The following TCAF1 variants were observed in gnomAD, a reference collection of about 807,000 sequenced individuals.
The protein encoded by TCAF1 is TRPM8 channel associated factor 1.
Under a neutral mutation model 27.3 loss-of-function variants are expected in TCAF1, and 4 were observed. The observed-to-expected ratio is 0.15, with a 90% CI of 0.07 to 0.34. The LOEUF (loss-of-function observed/expected upper bound fraction) is 0.34. TCAF1 is among the 10% of genes least tolerant of loss of function. TCAF1 has a pLI of 1.00. For synonymous variants in TCAF1, 105 were observed against 167.1 expected (o/e 0.63, Z 2.87); for missense variants, 257 against 425.8 (o/e 0.60, Z 3.49).
chr7:143,869,802 AC>A (rs1243040265), intron 2 of TCAF1, among the ~76,000 whole-genome samples: 1 of 100,804 alleles, frequency 9.9e-6, no homozygotes, highest in Non-Finnish European at 2.0e-5. Context: ...AACACTACTA[AC>A]TAAACTCCAG....
chr7:143,878,602 G>A (rs1445358076), intron 1 of TCAF1, among the ~76,000 whole-genome samples: 2 of 152,134 alleles, frequency 1.3e-5, no homozygotes, highest in Admixed American at 6.5e-5. Context: ...TAAGCTCAAC[G>A]TTTCTAGTAG....
intron 1 of TCAF1, chr7:143,885,412 T>C (rs1813350164): frequency 2.0e-6 from 2 of 985,342 alleles, no homozygotes; most frequent in African/African-American, 1.7e-5. Flanking sequence ...CTGCCGCGGG[T>C]GGAGGCGGAG....
intron 1 of TCAF1, among the ~76,000 whole-genome samples, chr7:143,897,246 T>C (rs1365792854): frequency 6.7e-6 from 1 of 149,164 alleles, no homozygotes; most frequent in Non-Finnish European, 1.5e-5. Flanking sequence ...TTCTTCTGTC[T>C]CTGCCACCCC....
At chr7:143,896,107 AAAAAATCC>A (rs1331597659) in intron 1 of TCAF1, among the ~76,000 whole-genome samples, 1 of 151,874 alleles carries the variant, frequency 6.6e-6, no homozygotes, top group Non-Finnish European at 1.5e-5. Context: ...CCAGACTTTT[AAAAAATCC>A]AAATAAGTTT....
intron 1 of TCAF1, among the ~76,000 whole-genome samples, chr7:143,877,259 C>T (rs1812768789): frequency 6.6e-6 from 1 of 152,160 alleles, no homozygotes; most frequent in South Asian, 2.1e-4. Flanking sequence ...TTTTAAGCCA[C>T]CCCATTTGTG....
At chr7:143,881,216 T>C (rs1463427471) in intron 1 of TCAF1, among the ~76,000 whole-genome samples, 2 of 152,228 alleles carry the variant, frequency 1.3e-5, no homozygotes, top group African/African-American at 4.8e-5. Flanking sequence ...CTAGAGTAAG[T>C]GTCTGAGGCC....
chr7:143,884,434 C>T (rs998251953), intron 1 of TCAF1, among the ~76,000 whole-genome samples: 1 of 152,134 alleles, frequency 6.6e-6, no homozygotes, highest in Non-Finnish European at 1.5e-5. Flanking sequence ...ACCTGAGAGA[C>T]AGTGAGCACA....
chr7:143,895,922 A>G (rs1277138744), intron 1 of TCAF1, among the ~76,000 whole-genome samples: 1 of 131,448 alleles, frequency 7.6e-6, no homozygotes, highest in Non-Finnish European at 1.6e-5. Context: ...AAAGAAAGAA[A>G]GAAGGAAAAA....
intron 1 of TCAF1, chr7:143,882,190 GT>G: frequency 1.2e-5 from 1 of 86,698 alleles, no homozygotes; most frequent in Non-Finnish European, 1.9e-5. Flanking sequence ...CTCCATGCGC[GT>G]AAACACACAC....
At chr7:143,877,272 C>T (rs1420125380) in intron 1 of TCAF1, among the ~76,000 whole-genome samples, 1 of 152,160 alleles carries the variant, frequency 6.6e-6, no homozygotes, top group Admixed American at 6.5e-5. Context: ...CATTTGTGGT[C>T]ATTTGCTACA....
intron 1 of TCAF1, chr7:143,885,663 TCTAC>T: frequency 2.9e-5 from 16 of 556,674 alleles, no homozygotes; most frequent in Non-Finnish European, 3.7e-5. Flanking sequence ...CTTATATAAA[TCTAC>T]TTATATATTG....
chr7:143,888,676 T>C (rs766050546), intron 1 of TCAF1, among the ~76,000 whole-genome samples: 13 of 152,236 alleles, frequency 8.5e-5, no homozygotes, highest in Non-Finnish European at 1.8e-4. Flanking sequence ...ATGTATTCAA[T>C]TGGAAGATGC....
intron 2 of TCAF1, among the ~76,000 whole-genome samples, 170 bp downstream of exon 2, chr7:143,875,818 AC>A (rs2116771360): frequency 6.6e-6 from 1 of 152,232 alleles, no homozygotes; most frequent in African/African-American, 2.4e-5. Context: ...GGCAGTGAGG[AC>A]CTTGCCCCTC....
chr7:143,876,079 C>A lies in TCAF1; in HGVS notation c.530G>T (p.Ser177Ile). 6.2e-7 allele frequency: 1 copy of A among 1,612,718 alleles called. No individual in the cohort carries two copies. Among genetic ancestry groups the A allele is most frequent in the Non-Finnish European group, 8.5e-7 (1 of 1,179,084 alleles). The change falls in exon 2 of 9, where the codon AGT becomes ATT. Residue 177 changes from serine to isoleucine, a missense_variant. Around this residue, in one of 2 missense-constraint regions of TCAF1, gnomAD observed 255 missense variants for 260.1 expected, o/e 0.98. Coordinates refer to ENST00000479870, the MANE Select transcript of TCAF1 (RefSeq NM_014719.3). ...LFTFPGNLVT[S>I]VAGIYFTDNK... ...GTCAGTAAAGTAAATGCCAGCCACA[C>A]TGGTCACGAGGTTCCCAGGGAACGT...
At chr7:143,896,697 T>G (rs1813883099) in intron 1 of TCAF1, among the ~76,000 whole-genome samples, 1 of 151,994 alleles carries the variant, frequency 6.6e-6, no homozygotes, top group Admixed American at 6.6e-5. Context: ...TTATAAAAAA[T>G]TCATGTCTCA....
At chr7:143,898,990 A>G (rs945005772) in intron 1 of TCAF1, among the ~76,000 whole-genome samples, 7 of 152,176 alleles carry the variant, frequency 4.6e-5, no homozygotes, top group Admixed American at 4.6e-4. Context: ...ACACAGTAAG[A>G]AGGCTCTTTC....
At chr7:143,888,420 G>A (rs1813512115) in intron 1 of TCAF1, among the ~76,000 whole-genome samples, 1 of 152,108 alleles carries the variant, frequency 6.6e-6, no homozygotes, top group Non-Finnish European at 1.5e-5. Context: ...TGACATCCCA[G>A]CACAAAGCTC....
rs778944649 is a variant in TCAF1, at chr7:143,876,139, C to A, written c.470G>T (p.Trp157Leu). ...CCTTTCATCCTCCCCCTGGTTGGCC[C>A]AATCCCAGGCTTGTCCTCCTATGAG... Reference protein sequence around the residue: ...GLLIGGQAWDWANQGEDERVL... With the variant: ...GLLIGGQAWDLANQGEDERVL... Residue 157 changes from tryptophan to leucine, a missense_variant, in exon 2 of 9, where the codon TGG becomes TTG. By Grantham distance (61) the Trp-to-Leu change is moderately conservative. Transcript: ENST00000479870. The A allele has an allele frequency of 4.0e-5, 65 of 1,614,080 alleles. No individual in the cohort carries two copies. Among genetic ancestry groups the A allele is most frequent in the Non-Finnish European group, 5.3e-5 (62 of 1,180,034 alleles).
chr7:143,890,996 CATG>C (rs1813614568), intron 1 of TCAF1, among the ~76,000 whole-genome samples: 2 of 152,260 alleles, frequency 1.3e-5, no homozygotes, highest in South Asian at 2.1e-4. Context: ...ATAAACACTC[CATG>C]ATTTCAGTTG....
Sources: gnomAD v4.1 joint callset for allele counts (sites outside exome capture counted in the v4.1 genomes callset) on GRCh38, gnomAD v4.1.1 for gene constraint, gnomAD v4.1.1 regional missense constraint, MANE v1.5 for transcripts, NCBI Gene and HGNC (gene_info 2026-07-23, HGNC 2026-07-21) for gene names.